Variants in CIT observed in about 807,000 individuals in gnomAD.
The protein encoded by CIT is citron Rho-interacting kinase.
A neutral mutation model predicts 272.7 loss-of-function variants in CIT; 79 were observed. The ratio of observed to expected loss-of-function variants is 0.29; its 90% CI spans 0.24 to 0.35. The LOEUF is 0.35. Ranked by LOEUF, CIT falls within the 10% of genes least tolerant of loss-of-function variation. CIT has a pLI of 1.00. For synonymous variants in CIT, 948 were observed against 995.6 expected, an observed-to-expected ratio of 0.95 and a Z score of 0.90; for missense variants, 1,909 against 2,618.3, an observed-to-expected ratio of 0.73 and a Z score of 5.91.
intron 23 of CIT, among the ~76,000 whole-genome samples, chr12:119,749,346 C>T (rs976672157): frequency 3.9e-5 from 6 of 152,230 alleles, no homozygotes; most frequent in African/African-American, 4.8e-5. Flanking sequence ...TTGACTGATG[C>T]TTGTGCAGGG....
At position 119,735,309 on chromosome 12, in the gene CIT, C is replaced by T. The variant is rs543172777; in HGVS notation, c.3007G>A (p.Ala1003Thr). Reference protein sequence around the residue: ...EQLNQLTEDNAELNNQNFYLS... With the variant: ...EQLNQLTEDNTELNNQNFYLS... ...TAGAAGTTTTGGTTGTTGAGTTCAG[C>T]GTTGTCCTCGGTCAGCTGGTTTAGC... Residue 1003 changes from alanine (A) to threonine (T), a missense_variant, in exon 25 of 48, where the codon GCT (alanine) becomes ACT (threonine). Coordinates refer to ENST00000392521, the MANE Select transcript of CIT (RefSeq NM_001206999.2). The T allele has an allele frequency of 2.5e-6, 4 of 1,614,170 alleles. No homozygotes were observed. The highest frequency in any genetic ancestry group is 2.2e-5 in the East Asian group (1 of 44,880).
intron 10 of CIT, among the ~76,000 whole-genome samples, chr12:119,787,747 A>T (rs938032815): frequency 5.3e-5 from 7 of 133,202 alleles, no homozygotes; most frequent in African/African-American, 1.9e-4. Flanking sequence ...AAAAAAAAAA[A>T]AAGCAAATAA....
At chr12:119,860,338 T>TA (rs1950300776) in intron 3 of CIT, among the ~76,000 whole-genome samples, 1 of 152,020 alleles carries the variant, frequency 6.6e-6, no homozygotes, top group Admixed American at 6.6e-5. Context: ...GTGACCACTG[T>TA]AAAAAACAAA....
At chr12:119,740,623 T>C (rs899841856) in intron 24 of CIT, among the ~76,000 whole-genome samples, 2 of 152,126 alleles carry the variant, frequency 1.3e-5, no homozygotes, top group Non-Finnish European at 2.9e-5. Context: ...GGATTACTAA[T>C]GCACACATTT....
At chr12:119,844,757 G>A (rs1969672319) in intron 5 of CIT, among the ~76,000 whole-genome samples, 1 of 152,082 alleles carries the variant, frequency 6.6e-6, no homozygotes. Context: ...CAAAACAAGG[G>A]AGTAAAAATG....
At chr12:119,751,114 C>T (rs1000601521) in intron 23 of CIT, among the ~76,000 whole-genome samples, 3 of 152,110 alleles carry the variant, frequency 2.0e-5, no homozygotes, top group Non-Finnish European at 4.4e-5. Context: ...TTGGCTGACA[C>T]CAGCCATTAA....
At chr12:119,794,332 C>A (rs1391767583) in intron 10 of CIT, among the ~76,000 whole-genome samples, 2 of 152,182 alleles carry the variant, frequency 1.3e-5, no homozygotes, top group Non-Finnish European at 2.9e-5. Flanking sequence ...TACTTCTGTG[C>A]CCCCAGGCAG....
At chr12:119,702,574 T>C (rs7953527) in intron 41 of CIT, among the ~76,000 whole-genome samples, 15,680 of 151,926 alleles carry the variant, frequency 0.1, 2,034 homozygotes, top group African/African-American at 0.31. Flanking sequence ...GTGATCCCAG[T>C]TACTCAGGAG....
rs142352679 is a variant in CIT, at chr12:119,805,998, G to A, written c.1112-2609C>T. On this transcript the variant is annotated intron_variant, in intron 9 of 47. Transcript: ENST00000392521. ...AAAAATACAAAAAAATTAGCCAGATGTGATGGTGCATGCCTGTAGTCCCAG... is the reference window on the plus strand; with the variant it reads ...AAAAATACAAAAAAATTAGCCAGATATGATGGTGCATGCCTGTAGTCCCAG... 1.9e-3 allele frequency among the ~76,000 whole-genome samples: 296 copies of A among 152,162 alleles called. 1 individual carries two copies. The highest frequency in any genetic ancestry group is 6.6e-3 in the African/African-American group (276 of 41,528).
intron 8 of CIT, among the ~76,000 whole-genome samples, chr12:119,823,921 T>C (rs890780202): frequency 6.7e-6 from 1 of 149,540 alleles, no homozygotes; most frequent in Non-Finnish European, 1.5e-5. Context: ...GCACCCGTGA[T>C]CCCAGCTACT....
intron 16 of CIT, among the ~76,000 whole-genome samples, chr12:119,775,244 G>A (rs1963630104): frequency 6.6e-6 from 1 of 152,206 alleles, no homozygotes; most frequent in Non-Finnish European, 1.5e-5. Context: ...CTGCACTCCA[G>A]CCTGGACAAC....
intron 4 of CIT, among the ~76,000 whole-genome samples, chr12:119,852,928 GT>G (rs1240481025): frequency 6.6e-6 from 1 of 151,928 alleles, no homozygotes; most frequent in Admixed American, 6.6e-5. Flanking sequence ...AAAAAAAGTT[GT>G]TTATACTGTA....
intron 13 of CIT, 65 bp downstream of exon 13, chr12:119,782,453 C>T: frequency 6.3e-7 from 1 of 1,582,764 alleles, no homozygotes; most frequent in South Asian, 1.1e-5. Flanking sequence ...TCAAACACGC[C>T]TCTCCTGAAA....
At chr12:119,742,687 T>G (rs56101648) in intron 23 of CIT, 1 of 423,604 alleles carries the variant, frequency 2.4e-6, no homozygotes, top group Non-Finnish European at 4.2e-6. Context: ...AGACCATACA[T>G]GCACACCCTG....
chr12:119,776,911 G>A (rs1415152205), intron 13 of CIT, 69 bp from the exon 14 acceptor site: 7 of 1,508,856 alleles, frequency 4.6e-6, no homozygotes, highest in African/African-American at 2.8e-5. Context: ...CAGTGAGGAT[G>A]GAAGAGTATT....
intron 7 of CIT, among the ~76,000 whole-genome samples, chr12:119,825,976 A>C (rs1440453691): frequency 4.6e-5 from 7 of 152,108 alleles, no homozygotes; most frequent in Non-Finnish European, 1.0e-4. Flanking sequence ...GCTGAGGCAC[A>C]AGAATCGCTT....
chr12:119,690,180 C>G lies in CIT; in HGVS notation c.6157G>C (p.Val2053Leu), dbSNP rs764137343. The G allele has an allele frequency of 6.7e-7, 1 of 1,486,374 alleles. No individual in the cohort carries two copies. Among genetic ancestry groups the G allele is most frequent in the South Asian group, 1.4e-5 (1 of 69,450 alleles). 92.1% of individuals were successfully genotyped at this position (1,486,374 alleles called of 1,614,324 possible). Reference sequence around the variant, plus strand: ...TTCACCTGGGACAGCGGGGTCCTCACGGCTCCCGCAGGCAGCCGGCCCCTG... The same window carrying G: ...TTCACCTGGGACAGCGGGGTCCTCAGGGCTCCCGCAGGCAGCCGGCCCCTG... ...SSRGRLPAGA[V>L]RTPLSQVNKV... The change falls in exon 47 of 48, where the codon GTG (valine) becomes CTG (leucine). Residue 2053 changes from valine to leucine, a missense_variant. Val to Leu is a conservative substitution (Grantham distance 32, BLOSUM62 1). Transcript: ENST00000392521. The surrounding 1 kb of genome is among the most constrained non-coding windows in gnomAD (Gnocchi z 6.0).
chr12:119,804,278 G>C lies in CIT; in HGVS notation c.1112-889C>G, dbSNP rs1966454820. On this transcript the variant is annotated intron_variant, in intron 9 of 47. Coordinates refer to ENST00000392521, the MANE Select transcript of CIT (RefSeq NM_001206999.2). This position sits in a 1 kb window ranked among gnomAD's most constrained non-coding sequence, Gnocchi z 5.3. ...CTCGTCCATCAGTCACCAGGAGGCT[G>C]CCCATCGCGGTGGGCTCCCGGGGGT... The C allele has an allele frequency of 3.0e-6, 3 of 985,406 alleles. No homozygotes were observed. Among genetic ancestry groups the C allele is most frequent in the Non-Finnish European group, 3.6e-6 (3 of 829,998 alleles). 61.0% of individuals were successfully genotyped at this position (985,406 alleles called of 1,614,324 possible). A position where few individuals can be genotyped will look rare whatever the true frequency, so the allele number is the denominator to read the frequency against.
chr12:119,842,573 G>C (rs551416603), intron 5 of CIT, among the ~76,000 whole-genome samples: 5 of 152,000 alleles, frequency 3.3e-5, no homozygotes, highest in African/African-American at 9.6e-5. Context: ...CAGAATACAG[G>C]ACTAGCTTTG....
Sources: allele counts gnomAD v4.1 joint callset (sites outside exome capture counted in the v4.1 genomes callset), GRCh38; gene constraint gnomAD v4.1.1; non-coding constraint Gnocchi (gnomAD v3.1); transcripts MANE v1.5; gene names NCBI Gene and HGNC (gene_info 2026-07-23, HGNC 2026-07-21).